Variants in LYN observed in about 807,000 individuals in gnomAD.
The protein encoded by LYN is LYN proto-oncogene, Src family tyrosine kinase.
In LYN, 12 loss-of-function variants were observed where a neutral mutation model predicts 65.0. The ratio of observed to expected loss-of-function variants is 0.18; its 90% CI spans 0.12 to 0.30. The LOEUF (loss-of-function observed/expected upper bound fraction) is 0.30. Ranked by LOEUF, LYN falls within the 10% of genes least tolerant of loss-of-function variation. The pLI is 1.00. For missense variants in LYN, 380 were observed against 623.2 expected, an observed-to-expected ratio of 0.61 and a Z score of 4.16; for synonymous variants, 222 against 221.2, an observed-to-expected ratio of 1.00 and a Z score of -0.03.
chr8:55,911,192 C>CGTATATAT (rs754921780), intron 1 of LYN, among the ~76,000 whole-genome samples: 1 of 8,798 alleles, frequency 1.1e-4, no homozygotes, highest in Non-Finnish European at 3.2e-4. Flanking sequence ...TATATATACA[C>CGTATATAT]ACACACATAT....
At position 55,926,475 on chromosome 8, in the gene LYN, A is replaced by T. The variant is rs573868000; in HGVS notation, c.-5-15380A>T. On this transcript the variant is annotated intron_variant, in intron 1 of 12. Transcript: ENST00000519728. ...TGCATTTCTTTTATCATAAATGGCT[A>T]TGGGCGTATTAGGAGTGATGACTTT... Among the ~76,000 whole-genome samples, 4 of 152,340 alleles carry T rather than the reference A, an allele frequency of 2.6e-5. No homozygotes were observed. In the East Asian group the frequency reaches 7.7e-4, roughly 29 times the overall value.
At chr8:55,894,343 G>T (rs1805032311) in intron 1 of LYN, among the ~76,000 whole-genome samples, 2 of 151,460 alleles carry the variant, frequency 1.3e-5, no homozygotes, top group Non-Finnish European at 2.9e-5. Flanking sequence ...GGGACTAGAG[G>T]TGCATGCCAC....
intron 1 of LYN, among the ~76,000 whole-genome samples, chr8:55,915,269 G>A (rs1439065007): frequency 6.6e-6 from 1 of 152,054 alleles, no homozygotes; most frequent in Non-Finnish European, 1.5e-5. Context: ...CATACACACC[G>A]CAATTCCAGA....
chr8:56,005,032 C>A (rs1808635700), intron 12 of LYN, among the ~76,000 whole-genome samples: 1 of 152,178 alleles, frequency 6.6e-6, no homozygotes, highest in African/African-American at 2.4e-5. Context: ...GATCCTCCCT[C>A]CTCAACCTCC....
intron 10 of LYN, among the ~76,000 whole-genome samples, chr8:55,995,633 C>T (rs1487065798): frequency 6.6e-6 from 1 of 152,022 alleles, no homozygotes; most frequent in African/African-American, 2.4e-5. Context: ...GGCATGGCTT[C>T]CGGGAGAAGT....
chr8:55,992,834 C>G (rs936344084), intron 10 of LYN, among the ~76,000 whole-genome samples: 7 of 152,260 alleles, frequency 4.6e-5, no homozygotes, highest in South Asian at 2.1e-4. Context: ...GGGTCAAACT[C>G]TCTGTGAAGC....
intron 1 of LYN, among the ~76,000 whole-genome samples, chr8:55,887,573 T>TACACACAC (rs1173683572): frequency 2.3e-5 from 1 of 42,586 alleles, no homozygotes; most frequent in Non-Finnish European, 4.6e-5. Flanking sequence ...TATATATATA[T>TACACACAC]ATACACACAC....
intron 2 of LYN, 45 bp downstream of exon 2, chr8:55,942,036 G>A: frequency 6.2e-7 from 1 of 1,602,330 alleles, no homozygotes; most frequent in Non-Finnish European, 8.5e-7. Flanking sequence ...CAAGATCAAA[G>A]CATGGCTACA....
intron 4 of LYN, among the ~76,000 whole-genome samples, chr8:55,949,938 C>T (rs1248352354): frequency 6.6e-6 from 1 of 152,220 alleles, no homozygotes; most frequent in African/African-American, 2.4e-5. Context: ...CTCCCATTCT[C>T]TGCAGCCCTA....
At chr8:55,969,363 G>A (rs1807546377) in intron 9 of LYN, among the ~76,000 whole-genome samples, 1 of 152,222 alleles carries the variant, frequency 6.6e-6, no homozygotes, top group Non-Finnish European at 1.5e-5. Flanking sequence ...AGTGTCTGCA[G>A]AGGGCAGGCC....
In LYN at chr8:55,907,573, A is replaced by G. The variant is rs962162618; in HGVS notation, c.-6+27470A>G. Among the ~76,000 whole-genome samples, 10 of 152,026 alleles carry G rather than the reference A, an allele frequency of 6.6e-5. No homozygotes were observed. In the South Asian group the frequency reaches 2.1e-3, roughly 31 times the overall value. On this transcript the variant is annotated intron_variant, in intron 1 of 12. Transcript: ENST00000519728. ...ATTGTAGGTGCTTTTTTTTTGGTGG[A>G]AAATCAAACTTAGTTGGGCATAGTG... is the stretch of plus-strand genomic sequence containing the variant.
chr8:55,895,867 C>G (rs1805081535), intron 1 of LYN: 1 of 151,974 alleles, frequency 6.6e-6, no homozygotes, highest in Non-Finnish European at 1.5e-5. Context: ...ACTGTACTAC[C>G]CCGAGCCTTT....
At chr8:56,008,950 G>A (rs572623672) in intron 12 of LYN, among the ~76,000 whole-genome samples, 2 of 152,280 alleles carry the variant, frequency 1.3e-5, no homozygotes, top group East Asian at 3.9e-4. Flanking sequence ...ACAGACAAGT[G>A]TCCTTCAGAT....
chr8:55,978,294 C>A (rs1166993591), intron 10 of LYN, among the ~76,000 whole-genome samples: 1 of 152,162 alleles, frequency 6.6e-6, no homozygotes, highest in African/African-American at 2.4e-5. Context: ...AAGCTAGAGT[C>A]CAGGGATGAG....
chr8:55,934,715 C>T (rs1806375461), intron 1 of LYN, among the ~76,000 whole-genome samples: 2 of 152,156 alleles, frequency 1.3e-5, no homozygotes, highest in African/African-American at 4.8e-5. Context: ...CCAGAGACAT[C>T]CCTCCTGTGT....
chr8:55,987,298 C>T (rs894969154), intron 10 of LYN, among the ~76,000 whole-genome samples: 6 of 151,166 alleles, frequency 4.0e-5, no homozygotes, highest in African/African-American at 1.2e-4. Context: ...GTCCCAGCTA[C>T]TGGGGAGGCT....
At chr8:55,961,806 G>A (rs1381085033) in intron 8 of LYN, among the ~76,000 whole-genome samples, 1 of 152,050 alleles carries the variant, frequency 6.6e-6, no homozygotes, top group East Asian at 1.9e-4. Flanking sequence ...TAATTACAAA[G>A]CAAAAACTGG....
chr8:55,883,400 G>A (rs901797234), intron 1 of LYN, among the ~76,000 whole-genome samples: 3 of 152,190 alleles, frequency 2.0e-5, no homozygotes, highest in Admixed American at 2.0e-4. Flanking sequence ...CCATCAAGCT[G>A]GGCACTTCAA....
intron 8 of LYN, among the ~76,000 whole-genome samples, chr8:55,959,321 C>T (rs184506833): frequency 6.6e-6 from 1 of 152,296 alleles, no homozygotes; most frequent in African/African-American, 2.4e-5. Flanking sequence ...CCCTTTCTCA[C>T]TTTTTAAATT....
Sources: allele counts gnomAD v4.1 joint callset (sites outside exome capture counted in the v4.1 genomes callset), GRCh38; gene constraint gnomAD v4.1.1; transcripts MANE v1.5; gene names NCBI Gene and HGNC (gene_info 2026-07-23, HGNC 2026-07-21).